Variants in PDE4B observed in about 807,000 individuals in gnomAD.
PDE4B encodes the protein phosphodiesterase 4B.
A neutral mutation model predicts 82.2 loss-of-function variants in PDE4B; 20 were observed. That is an observed-to-expected ratio of 0.24 (90% CI 0.17 to 0.35). The LOEUF is 0.35. Ranked by LOEUF, PDE4B falls within the 10% of genes least tolerant of loss-of-function variation. The pLI is 1.00. For missense variants in PDE4B, 655 were observed against 907.2 expected (o/e 0.72, Z 3.57); for synonymous variants, 320 against 318.9 (o/e 1.00, Z -0.04).
chr1:66,147,995 G>A (rs1646309987), intron 3 of PDE4B, among the ~76,000 whole-genome samples: 1 of 152,160 alleles, frequency 6.6e-6, no homozygotes, highest in Admixed American at 6.5e-5. Context: ...CTTGGGCCAG[G>A]CATGGTGGCT....
At chr1:66,274,448 C>T (rs1241537894) in intron 7 of PDE4B, among the ~76,000 whole-genome samples, 3 of 152,072 alleles carry the variant, frequency 2.0e-5, no homozygotes, top group Admixed American at 1.3e-4. Context: ...GCTGGGATTA[C>T]AGGCATGAGC....
intron 3 of PDE4B, among the ~76,000 whole-genome samples, chr1:66,196,153 CT>C (rs1266858069): frequency 6.6e-6 from 1 of 152,164 alleles, no homozygotes; most frequent in Non-Finnish European, 1.5e-5. Context: ...AAAAATACAG[CT>C]TTAAATGTAA....
At chr1:66,184,998 C>A (rs1647153765) in intron 3 of PDE4B, among the ~76,000 whole-genome samples, 1 of 152,074 alleles carries the variant, frequency 6.6e-6, no homozygotes, top group African/African-American at 2.4e-5. Flanking sequence ...CCTCCTCCCA[C>A]CCCACAACAG....
At chr1:66,069,772 A>T (rs550865572) in intron 3 of PDE4B, among the ~76,000 whole-genome samples, 1 of 152,066 alleles carries the variant, frequency 6.6e-6, no homozygotes, top group South Asian at 2.1e-4. Flanking sequence ...GTCAGAAAAA[A>T]CTTCCTGGAG....
At chr1:66,293,602 T>C (rs1657270927) in intron 7 of PDE4B, among the ~76,000 whole-genome samples, 1 of 152,232 alleles carries the variant, frequency 6.6e-6, no homozygotes, top group South Asian at 2.1e-4. Flanking sequence ...AGTTAGTTTA[T>C]AGTTTATTAA....
chr1:66,213,119 T>C (rs1034898837), intron 3 of PDE4B, among the ~76,000 whole-genome samples: 4 of 152,218 alleles, frequency 2.6e-5, no homozygotes, highest in African/African-American at 9.6e-5. Flanking sequence ...TTAGCCAATA[T>C]TTCTTTATGT....
intron 3 of PDE4B, among the ~76,000 whole-genome samples, chr1:66,235,361 A>G (rs1004205990): frequency 6.6e-6 from 1 of 152,096 alleles, no homozygotes; most frequent in African/African-American, 2.4e-5. Context: ...TTTTTGCCTT[A>G]TGTAGTTTGA....
At chr1:66,014,276 C>T (rs1652650560) in intron 3 of PDE4B, among the ~76,000 whole-genome samples, 1 of 152,094 alleles carries the variant, frequency 6.6e-6, no homozygotes, top group Non-Finnish European at 1.5e-5. Context: ...CTCTGATGCA[C>T]AGAATTTTTA....
chr1:65,906,496 A>G (rs1237485057), intron 1 of PDE4B, among the ~76,000 whole-genome samples: 1 of 152,202 alleles, frequency 6.6e-6, no homozygotes, highest in African/African-American at 2.4e-5. Context: ...ATTTTAAACC[A>G]TAAGAGATTA....
intron 3 of PDE4B, among the ~76,000 whole-genome samples, chr1:66,107,672 A>G (rs1645395672): frequency 6.6e-6 from 1 of 152,054 alleles, no homozygotes; most frequent in African/African-American, 2.4e-5. Context: ...ATTATTTTCT[A>G]GTGTTTTTCC....
intron 3 of PDE4B, among the ~76,000 whole-genome samples, chr1:66,138,663 A>G (rs1383178063): frequency 2.0e-5 from 3 of 152,246 alleles, no homozygotes; most frequent in Non-Finnish European, 4.4e-5. Context: ...TGTTAATACA[A>G]CACTAATGGC....
intron 3 of PDE4B, among the ~76,000 whole-genome samples, chr1:66,122,799 G>A (rs139450197): frequency 0.024 from 3,546 of 145,692 alleles, 155 homozygotes; most frequent in African/African-American, 0.086. Context: ...TCTGCTTCCC[G>A]GATTCAAGTG....
chr1:65,911,422 A>G (rs1045733140), intron 1 of PDE4B, among the ~76,000 whole-genome samples: 1 of 152,136 alleles, frequency 6.6e-6, no homozygotes, highest in African/African-American at 2.4e-5. Flanking sequence ...TTATATGCTC[A>G]CAACTTTACA....
At chr1:65,819,499 G>T (rs868450420) in intron 1 of PDE4B, among the ~76,000 whole-genome samples, 12 of 145,418 alleles carry the variant, frequency 8.3e-5, no homozygotes, top group African/African-American at 2.1e-4. Context: ...GTTTGTTTTT[G>T]TTTTGTTTTT....
intron 3 of PDE4B, among the ~76,000 whole-genome samples, chr1:66,218,644 C>A (rs906098611): frequency 6.6e-6 from 1 of 152,062 alleles, no homozygotes; most frequent in Non-Finnish European, 1.5e-5. Context: ...TTTCCATGAC[C>A]CCTCTGGGAC....
chr1:66,325,761 T>C (rs1659707263), intron 7 of PDE4B, among the ~76,000 whole-genome samples: 1 of 152,132 alleles, frequency 6.6e-6, no homozygotes, highest in Non-Finnish European at 1.5e-5. Context: ...CAAATACATG[T>C]CAATATATCA....
At chr1:65,925,222 A>T (rs371701051) in intron 3 of PDE4B, among the ~76,000 whole-genome samples, 4 of 152,216 alleles carry the variant, frequency 2.6e-5, no homozygotes, top group Non-Finnish European at 5.9e-5. Context: ...TAGCTAATGC[A>T]TGCTGGGCTT....
intron 1 of PDE4B, among the ~76,000 whole-genome samples, chr1:65,870,676 G>C (rs1646562766): frequency 6.6e-6 from 1 of 151,980 alleles, no homozygotes; most frequent in African/African-American, 2.4e-5. Context: ...TTAGTGAGAA[G>C]AGGGTTACAA....
chr1:66,364,424 C>T (rs783037), intron 12 of PDE4B, among the ~76,000 whole-genome samples: 7,723 of 152,134 alleles, frequency 0.051, 262 homozygotes, highest in South Asian at 0.099. Context: ...TTGTGTATAC[C>T]GATATCATCA....
Sources: gnomAD v4.1 joint callset for allele counts (sites outside exome capture counted in the v4.1 genomes callset) on GRCh38, gnomAD v4.1.1 for gene constraint, MANE v1.5 for transcripts, NCBI Gene and HGNC (gene_info 2026-07-23, HGNC 2026-07-21) for gene names.